Variants in GRIA2 observed in about 807,000 individuals in gnomAD.
The protein encoded by GRIA2 is glutamate ionotropic receptor AMPA type subunit 2, also known as glutamate receptor 2.
Under a neutral mutation model 97.3 loss-of-function variants are expected in GRIA2, and 14 were observed. That is an observed-to-expected ratio of 0.14 (90% CI 0.10 to 0.23). GRIA2 has a LOEUF of 0.23. GRIA2 is among the 10% of genes least tolerant of loss of function. The pLI, the probability that GRIA2 is intolerant of heterozygous loss-of-function variation, is 1.00. For synonymous variants in GRIA2, 412 were observed against 387.8 expected, an observed-to-expected ratio of 1.06 and a Z score of -0.73; for missense variants, 558 against 1,069.8, an observed-to-expected ratio of 0.52 and a Z score of 6.67.
In GRIA2 at chr4:157,310,002, AAC is replaced by A. The variant is rs147155584; in HGVS notation, c.470-2676_470-2675del. ...CCATGACTGTGATGTAGGAAAGTAG[AAC>A]CCAGCAAATGGAAAGTGGCTTAGAA... is the stretch of plus-strand genomic sequence containing the variant. On this transcript the variant is annotated intron_variant, in intron 3 of 15. Transcript: ENST00000264426. Among the ~76,000 whole-genome samples the A allele has an allele frequency of 8.8e-3, 1,333 of 152,320 alleles. 26 individuals carry two copies. The highest frequency in any genetic ancestry group is 0.031 in the African/African-American group (1,278 of 41,574).
intron 2 of GRIA2, among the ~76,000 whole-genome samples, chr4:157,241,713 T>C (rs1224301787): frequency 1.3e-5 from 2 of 152,122 alleles, no homozygotes; most frequent in Non-Finnish European, 2.9e-5. Context: ...TGGTTCTATC[T>C]AAATAATGCT....
intron 6 of GRIA2, among the ~76,000 whole-genome samples, chr4:157,329,668 T>C (rs1391425156): frequency 6.6e-6 from 1 of 151,898 alleles, no homozygotes; most frequent in African/African-American, 2.4e-5. Flanking sequence ...TCAAGATAGA[T>C]AGTAACAAAA....
intron 2 of GRIA2, among the ~76,000 whole-genome samples, chr4:157,287,960 A>G (rs2126828420): frequency 6.6e-6 from 1 of 151,700 alleles, no homozygotes; most frequent in African/African-American, 2.4e-5. Flanking sequence ...TTAAGGAAAA[A>G]AGGAGAGTTT....
intron 7 of GRIA2, 95 bp from the exon 8 acceptor site, chr4:157,333,154 T>G: frequency 1.1e-6 from 1 of 912,294 alleles, no homozygotes; most frequent in Middle Eastern, 3.4e-4. Context: ...ATTGATGTAG[T>G]TTTCTTGACT....
At chr4:157,304,527 C>T (rs1009899937) in intron 3 of GRIA2, among the ~76,000 whole-genome samples, 1 of 152,032 alleles carries the variant, frequency 6.6e-6, no homozygotes, top group Non-Finnish European at 1.5e-5. Flanking sequence ...TTCCCAGGTC[C>T]GTAATTGGGT....
At chr4:157,250,224 T>A (rs1354957130) in intron 2 of GRIA2, among the ~76,000 whole-genome samples, 1 of 152,136 alleles carries the variant, frequency 6.6e-6, no homozygotes, top group African/African-American at 2.4e-5. Context: ...TCATGGAAAG[T>A]AAGAGTAGAA....
At position 157,221,846 on chromosome 4, in the gene GRIA2, C is replaced by A. The variant is rs374906047; in HGVS notation, c.229+39C>A. The A allele has an allele frequency of 2.5e-6, 4 of 1,598,822 alleles. No individual in the cohort carries two copies. In the Admixed American group the frequency reaches 6.7e-5, roughly 27 times the overall value. The stretch of plus-strand genomic sequence containing the variant: ...ATTCATGCCTTTCGGGTGCTGCACG[C>A]GGAAGGCCAGCGAGTGTGAGTGTGT... On this transcript the variant is annotated intron_variant, in intron 2 of 15. Coordinates refer to ENST00000264426, the MANE Select transcript of GRIA2 (RefSeq NM_001083619.3).
In GRIA2 at chr4:157,224,661, G is replaced by T. The variant is rs79682137; in HGVS notation, c.229+2854G>T. On this transcript the variant is annotated intron_variant, in intron 2 of 15. Coordinates refer to ENST00000264426, the MANE Select transcript of GRIA2 (RefSeq NM_001083619.3). ...ACTACAATCACAAAGTCAAGAAATG[G>T]ATGAAAATCTCTAGTGTTAAATTTG... is the stretch of plus-strand genomic sequence containing the variant. Among the ~76,000 whole-genome samples the T allele has an allele frequency of 4.2e-3, 632 of 152,172 alleles. 8 individuals are homozygous for T. Among genetic ancestry groups the T allele is most frequent in the African/African-American group, 0.014 (591 of 41,550 alleles).
intron 2 of GRIA2, among the ~76,000 whole-genome samples, chr4:157,226,276 T>C (rs1247312095): frequency 1.3e-5 from 2 of 152,036 alleles, no homozygotes; most frequent in Admixed American, 6.5e-5. Flanking sequence ...TTCATAAAAC[T>C]GTTGCGCACA....
At chr4:157,221,914 G>A (rs1246167376) in intron 2 of GRIA2, 107 bp downstream of exon 2, 7 of 1,010,702 alleles carry the variant, frequency 6.9e-6, no homozygotes, top group Non-Finnish European at 1.1e-5. Flanking sequence ...CTGTGTGTCA[G>A]TGTGTGGGTG....
intron 12 of GRIA2, among the ~76,000 whole-genome samples, chr4:157,343,816 A>G (rs557154186): frequency 2.6e-5 from 4 of 152,274 alleles, no homozygotes; most frequent in African/African-American, 7.2e-5. Context: ...TTGGGAAATT[A>G]TGTATATAAA....
chr4:157,289,817 G>A (rs1733015062), intron 2 of GRIA2, among the ~76,000 whole-genome samples: 1 of 151,750 alleles, frequency 6.6e-6, no homozygotes, highest in Non-Finnish European at 1.5e-5. Flanking sequence ...TAAAAAGCTA[G>A]AGAGATTATT....
intron 7 of GRIA2, 98 bp from the exon 8 acceptor site, chr4:157,333,151 T>A (rs1735132746): frequency 1.1e-6 from 1 of 902,228 alleles, no homozygotes; most frequent in East Asian, 2.5e-5. Flanking sequence ...ATTATTGATG[T>A]AGTTTTCTTG....
intron 2 of GRIA2, among the ~76,000 whole-genome samples, chr4:157,290,735 T>C (rs1430356138): frequency 6.6e-6 from 1 of 151,830 alleles, no homozygotes; most frequent in Non-Finnish European, 1.5e-5. Context: ...CTTTGATTCA[T>C]TGATAAAGTG....
In GRIA2 at chr4:157,321,470, G is replaced by A; in HGVS notation, c.753G>A (p.Gln251=). The change falls in exon 6 of 16, where the codon CAG becomes CAA. Residue 251 remains glutamine (Q), a synonymous_variant. Transcript: ENST00000264426. ...GFTDGDLLKI[Q]FGGANVSGFQ... ...CTGATGGAGACCTATTAAAAATCCA[G>A]TTTGGAGGTGCAAATGTCTCTGGAT... 2 of 1,611,194 alleles carry A rather than the reference G, an allele frequency of 1.2e-6. No homozygotes were observed. The highest frequency in any genetic ancestry group is 1.7e-6 in the Non-Finnish European group (2 of 1,177,664).
intron 6 of GRIA2, among the ~76,000 whole-genome samples, chr4:157,327,371 C>G (rs984203630): frequency 6.6e-6 from 1 of 152,050 alleles, no homozygotes; most frequent in Non-Finnish European, 1.5e-5. Flanking sequence ...TTATTGAGCC[C>G]TGACAGAAAA....
intron 4 of GRIA2, among the ~76,000 whole-genome samples, chr4:157,317,113 C>T (rs1734358207): frequency 6.6e-6 from 1 of 152,082 alleles, no homozygotes; most frequent in Non-Finnish European, 1.5e-5. Flanking sequence ...ATTTCACGGT[C>T]CTTAGGATAG....
intron 2 of GRIA2, among the ~76,000 whole-genome samples, chr4:157,225,389 T>C (rs533141799): frequency 1.2e-3 from 178 of 152,156 alleles, no homozygotes; most frequent in African/African-American, 4.1e-3. Flanking sequence ...CCTCCCTGTC[T>C]TCTTAGCTGA....
chr4:157,313,656 T>A (rs914868354), intron 4 of GRIA2, among the ~76,000 whole-genome samples: 5 of 152,060 alleles, frequency 3.3e-5, no homozygotes. Flanking sequence ...ATCAACATTA[T>A]GATTGATTGA....
Sources: allele counts gnomAD v4.1 joint callset (sites outside exome capture counted in the v4.1 genomes callset), GRCh38; gene constraint gnomAD v4.1.1; transcripts MANE v1.5; gene names NCBI Gene and HGNC (gene_info 2026-07-23, HGNC 2026-07-21).